KATNAL1: variants seen among roughly 807,000 people sequenced by gnomAD.
The protein encoded by KATNAL1 is katanin p60 ATPase-containing subunit A-like 1.
In KATNAL1, 32 loss-of-function variants were observed where a neutral mutation model predicts 55.2. The observed-to-expected ratio is 0.58, with a 90% confidence interval of 0.44 to 0.78. The LOEUF (loss-of-function observed/expected upper bound fraction) is 0.78, where lower values mean the gene tolerates loss of function less well. Among genes scored for constraint, KATNAL1 ranks in the 30% least tolerant of loss-of-function variants. The pLI is 0.00. For synonymous variants in KATNAL1, 193 were observed against 193.6 expected (o/e 1.00, Z 0.02); for missense variants, 466 against 600.9 (o/e 0.78, Z 2.35).
chr13:30,271,201 C>T (rs1207241465), intron 3 of KATNAL1, among the ~76,000 whole-genome samples: 2 of 152,068 alleles, frequency 1.3e-5, no homozygotes, highest in African/African-American at 2.4e-5. Flanking sequence ...AATAACCCTA[C>T]GAAGTAATTT....
intron 1 of KATNAL1, among the ~76,000 whole-genome samples, chr13:30,287,891 A>G (rs1881895653): frequency 6.6e-6 from 1 of 152,344 alleles, no homozygotes; most frequent in Admixed American, 6.5e-5. Flanking sequence ...AGGCTTTGAC[A>G]GCTAACAAAC....
intron 3 of KATNAL1, among the ~76,000 whole-genome samples, chr13:30,259,630 G>C (rs1005911289): frequency 2.1e-4 from 32 of 152,120 alleles, no homozygotes; most frequent in African/African-American, 3.9e-4. Flanking sequence ...CTGGAAAATC[G>C]GGTCACTCCC....
chr13:30,240,549 G>C lies in KATNAL1; in HGVS notation c.637C>G (p.Leu213Val), dbSNP rs1434894556. 3 of 1,611,980 alleles carry C rather than the reference G, an allele frequency of 1.9e-6. No homozygotes were observed. Among genetic ancestry groups the C allele is most frequent in the Non-Finnish European group, 2.5e-6 (3 of 1,178,222 alleles). ...CTTAGCAACTTCTTAGCTTCTTCCAGATCTGCTATGTCATCCCTTTGAAAG... is the reference window on the plus strand; with the variant it reads ...CTTAGCAACTTCTTAGCTTCTTCCACATCTGCTATGTCATCCCTTTGAAAG... The part of the protein sequence containing the change: ...PSIHWDDIAD[L>V]EEAKKLLREA... Residue 213 changes from leucine to valine, a missense_variant, in exon 6 of 11, where the codon CTG (leucine) becomes GTG (valine). Physicochemically the swap from Leu to Val is conservative, Grantham distance 32. Transcript: ENST00000380615.
Position 30,205,380 on chromosome 13 carries a change from T to C in KATNAL1, c.*3160A>G, listed in dbSNP as rs1319722639. 6.6e-6 allele frequency: 1 copy of C among 152,210 alleles called. No homozygotes were observed. The highest frequency in any genetic ancestry group is 1.5e-5 in the Non-Finnish European group (1 of 68,036). The allele number at this position is 152,210 out of a possible 1,614,324, so 9.4% of individuals were successfully genotyped here. On this transcript the variant is annotated 3_prime_UTR_variant, in exon 11 of 11. Coordinates refer to ENST00000380615, the MANE Select transcript of KATNAL1 (RefSeq NM_032116.5). ...GACCAACCAATACACGTCTACAGAA[T>C]GAAGGGACTATCTGATCAGATATCT...
chr13:30,228,897 C>A (rs1477176335), intron 8 of KATNAL1, among the ~76,000 whole-genome samples: 2 of 152,182 alleles, frequency 1.3e-5, no homozygotes, highest in Non-Finnish European at 2.9e-5. Flanking sequence ...GGACTACAGG[C>A]ACATGCCACC....
At chr13:30,292,518 A>G (rs1371700045) in intron 1 of KATNAL1, among the ~76,000 whole-genome samples, 1 of 152,050 alleles carries the variant, frequency 6.6e-6, no homozygotes, top group East Asian at 1.9e-4. Context: ...ATGCTTCCCT[A>G]CCCCTTGTTC....
At position 30,231,012 on chromosome 13, in the gene KATNAL1, C is replaced by G. The variant is rs11841611; in HGVS notation, c.885+302G>C. Among the ~76,000 whole-genome samples, 424 of 152,296 alleles carry G rather than the reference C, an allele frequency of 2.8e-3. 4 individuals carry two copies. The highest frequency in any genetic ancestry group is 9.7e-3 in the African/African-American group (402 of 41,562). On this transcript the variant is annotated intron_variant, in intron 7 of 10. Coordinates refer to ENST00000380615, the MANE Select transcript of KATNAL1 (RefSeq NM_032116.5). ...TACATATGAAAATATTCTTCTGTTC[C>G]ATCAGCTCCCTAGAGATCCAGAAAT...
At chr13:30,287,302 T>A (rs755794522) in intron 1 of KATNAL1, among the ~76,000 whole-genome samples, 3 of 152,180 alleles carry the variant, frequency 2.0e-5, no homozygotes, top group Non-Finnish European at 2.9e-5. Context: ...GACTGGATCA[T>A]GGGGGTGGTT....
chr13:30,288,611 AG>A (rs1881944701), intron 1 of KATNAL1, among the ~76,000 whole-genome samples: 2 of 152,324 alleles, frequency 1.3e-5, no homozygotes, highest in Non-Finnish European at 2.9e-5. Flanking sequence ...TTGTAATTTT[AG>A]GTTGAATTCA....
intron 3 of KATNAL1, among the ~76,000 whole-genome samples, chr13:30,269,556 T>TA (rs1880084584): frequency 6.8e-6 from 1 of 146,324 alleles, no homozygotes; most frequent in Admixed American, 6.8e-5. Context: ...GAGGAGCCCC[T>TA]CTGCCTGGCT....
chr13:30,304,205 C>G (rs927713370), intron 1 of KATNAL1, among the ~76,000 whole-genome samples: 1 of 152,026 alleles, frequency 6.6e-6, no homozygotes, highest in African/African-American at 2.4e-5. Flanking sequence ...AGTTCTTCTT[C>G]CTCTATGCCT....
chr13:30,246,424 T>G (rs1054568602), intron 4 of KATNAL1, among the ~76,000 whole-genome samples: 3 of 152,076 alleles, frequency 2.0e-5, no homozygotes, highest in Non-Finnish European at 4.4e-5. Flanking sequence ...AACTAACACC[T>G]AAAACCATAA....
chr13:30,256,012 G>A (rs1878754734), intron 3 of KATNAL1, among the ~76,000 whole-genome samples: 1 of 152,182 alleles, frequency 6.6e-6, no homozygotes, highest in South Asian at 2.1e-4. Flanking sequence ...ATTAAAAGCT[G>A]TAAGGACAGA....
chr13:30,223,128 C>G (rs1470555618), intron 9 of KATNAL1, among the ~76,000 whole-genome samples: 1 of 151,450 alleles, frequency 6.6e-6, no homozygotes, highest in African/African-American at 2.4e-5. Flanking sequence ...ACAGACTGGA[C>G]AAATAGCAAG....
intron 8 of KATNAL1, 30 bp from the exon 9 acceptor site, chr13:30,227,576 G>T: frequency 1.3e-6 from 2 of 1,585,776 alleles, no homozygotes; most frequent in East Asian, 2.3e-5. Context: ...AAAAGATAGT[G>T]TTTTTCTTAC....
intron 3 of KATNAL1, among the ~76,000 whole-genome samples, chr13:30,260,206 C>A (rs1019174511): frequency 5.3e-5 from 8 of 152,058 alleles, no homozygotes; most frequent in African/African-American, 1.7e-4. Context: ...GACATCCACA[C>A]CAAAAACCCA....
At chr13:30,238,419 T>C (rs1289112107) in intron 6 of KATNAL1, among the ~76,000 whole-genome samples, 1 of 152,186 alleles carries the variant, frequency 6.6e-6, no homozygotes, top group Non-Finnish European at 1.5e-5. Flanking sequence ...GGATCCAGGA[T>C]CTGTACCCCT....
Position 30,261,748 on chromosome 13 carries a change from G to A in KATNAL1, c.324-6133C>T, listed in dbSNP as rs550222576. Among the ~76,000 whole-genome samples the A allele has an allele frequency of 1.4e-4, 22 of 152,276 alleles. 1 individual carries two copies. The East Asian group carries it at 4.2e-3, about 29-fold the overall frequency. On this transcript the variant is annotated intron_variant, in intron 3 of 10. Coordinates refer to ENST00000380615, the MANE Select transcript of KATNAL1 (RefSeq NM_032116.5). ...CTGAGTGACCTACAAAGAGACTTAAGACTCCCACACATTAATAATGGGAGA... is the reference window on the plus strand; with the variant it reads ...CTGAGTGACCTACAAAGAGACTTAAAACTCCCACACATTAATAATGGGAGA...
At chr13:30,260,439 T>C (rs1411718646) in intron 3 of KATNAL1, among the ~76,000 whole-genome samples, 2 of 152,078 alleles carry the variant, frequency 1.3e-5, no homozygotes, top group Non-Finnish European at 2.9e-5. Context: ...GGGGGGAAAT[T>C]CAAACCAAAG....
Sources: gnomAD v4.1 joint callset for allele counts (sites outside exome capture counted in the v4.1 genomes callset) on GRCh38, gnomAD v4.1.1 for gene constraint, MANE v1.5 for transcripts, NCBI Gene and HGNC (gene_info 2026-07-23, HGNC 2026-07-21) for gene names.